The following MAPDA variants were observed in gnomAD, a reference collection of about 807,000 sequenced individuals.
MAPDA encodes N6,N6-dimethyl-AMP deaminase.
chr15:43,349,236 T>C, the MAPDA span: 172 of 1,378,448 alleles, frequency 1.2e-4, 1 homozygote, highest in South Asian at 1.6e-3. Flanking sequence ...ATAAGCTCTA[T>C]GAGAGCAGGG....
At chr15:43,347,013 A>AAGGT in the MAPDA span, 1 of 1,612,560 alleles carries the variant, frequency 6.2e-7, no homozygotes, top group Non-Finnish European at 8.5e-7. Context: ...TTTTATCTTT[A>AAGGT]AGGTAGGACA....
At chr15:43,338,653 A>G in the MAPDA span, among the ~76,000 whole-genome samples, 2 of 152,204 alleles carry the variant, frequency 1.3e-5, no homozygotes, top group African/African-American at 2.4e-5. Context: ...ATTTGAATAG[A>G]TATTCTCAGT....
the MAPDA span, chr15:43,343,222 A>G: frequency 1.8e-6 from 1 of 548,716 alleles, no homozygotes; most frequent in South Asian, 3.2e-5. Flanking sequence ...CCTGTTGTTT[A>G]AAGTGAGAAC....
chr15:43,335,260 C>G, the MAPDA span: 1 of 1,365,358 alleles, frequency 7.3e-7, no homozygotes, highest in Non-Finnish European at 1.0e-6. Context: ...TTTGGCTGGG[C>G]GCAGTGGCTC....
chr15:43,347,185 G>A, the MAPDA span: 1 of 1,065,978 alleles, frequency 9.4e-7, no homozygotes, highest in South Asian at 1.5e-5. Context: ...AACCGGGATT[G>A]GAAAAACATT....
chr15:43,342,995 A>G, the MAPDA span: 1 of 1,570,414 alleles, frequency 6.4e-7, no homozygotes. Context: ...CCTTTCTAGG[A>G]ATGACTAAAA....
the MAPDA span, among the ~76,000 whole-genome samples, chr15:43,342,113 A>G: frequency 2.6e-5 from 4 of 152,326 alleles, no homozygotes; most frequent in African/African-American, 9.6e-5. Context: ...TGATGGGATT[A>G]CAGGCATGAG....
At chr15:43,340,262 CA>C in the MAPDA span, 1 of 1,613,192 alleles carries the variant, frequency 6.2e-7, no homozygotes, top group Non-Finnish European at 8.5e-7. Flanking sequence ...TCTTTATTAT[CA>C]GGTCACAAAA....
chr15:43,348,300 C>A, the MAPDA span, among the ~76,000 whole-genome samples: 4 of 152,102 alleles, frequency 2.6e-5, no homozygotes, highest in African/African-American at 9.7e-5. Context: ...AGGTTTCACG[C>A]TTATCTCTAC....
At chr15:43,349,256 G>A in the MAPDA span, 15 of 1,272,634 alleles carry the variant, frequency 1.2e-5, no homozygotes, top group Middle Eastern at 3.0e-4. Flanking sequence ...GCCCCTGCTT[G>A]TCTTATTCGT....
the MAPDA span, chr15:43,332,094 G>T: frequency 6.6e-6 from 1 of 152,006 alleles, no homozygotes; most frequent in East Asian, 1.9e-4. Context: ...CTCCTGATGG[G>T]GTAAAAAAAA....
the MAPDA span, chr15:43,348,792 C>G: frequency 1.9e-6 from 2 of 1,057,050 alleles, no homozygotes; most frequent in Non-Finnish European, 2.7e-6. Flanking sequence ...GTTCAGTTTT[C>G]CAAAAGGTCT....
the MAPDA span, chr15:43,335,031 C>T: frequency 1.4e-6 from 2 of 1,442,682 alleles, no homozygotes; most frequent in East Asian, 4.6e-5. Context: ...CAGTACCATA[C>T]AATTTACTGA....
At chr15:43,342,588 A>G in the MAPDA span, among the ~76,000 whole-genome samples, 1 of 151,974 alleles carries the variant, frequency 6.6e-6, no homozygotes, top group East Asian at 1.9e-4. Flanking sequence ...CGTCTCTACT[A>G]AATATCCAAA....
At chr15:43,353,055 A>C in the MAPDA span, 1 of 150,876 alleles carries the variant, frequency 6.6e-6, no homozygotes, top group Non-Finnish European at 1.5e-5. Flanking sequence ...CTTTTATTAC[A>C]TTTTCTTTGT....
the MAPDA span, chr15:43,353,797 A>G: frequency 6.6e-6 from 1 of 152,226 alleles, no homozygotes; most frequent in African/African-American, 2.4e-5. Context: ...TGAAGAGGGT[A>G]GAGGGTATAG....
chr15:43,342,523 C>T, the MAPDA span, among the ~76,000 whole-genome samples: 1 of 150,740 alleles, frequency 6.6e-6, no homozygotes, highest in African/African-American at 2.4e-5. Flanking sequence ...CCAAGGCGGG[C>T]GTGTCACTTT....
chr15:43,340,367 T>A, the MAPDA span: 3 of 1,601,714 alleles, frequency 1.9e-6, no homozygotes, highest in Admixed American at 5.0e-5. Flanking sequence ...AATTTATACT[T>A]CTCAGCAAAT....
chr15:43,351,332 G>T, the MAPDA span: 1 of 255,998 alleles, frequency 3.9e-6, no homozygotes, highest in East Asian at 8.0e-5. Context: ...ATCTCACAAA[G>T]CAAAAAAAAA....
Sources: allele counts gnomAD v4.1 joint callset (sites outside exome capture counted in the v4.1 genomes callset), GRCh38; gene constraint gnomAD v4.1.1; transcripts MANE v1.5; gene names NCBI Gene and HGNC (gene_info 2026-07-23, HGNC 2026-07-21).